GLIS3: variants seen among roughly 807,000 people sequenced by gnomAD.
The protein encoded by GLIS3 is GLIS family zinc finger 3.
GLIS3 carries 53 observed loss-of-function variants against 78.6 expected under a neutral mutation model. The observed-to-expected ratio is 0.67, with a 90% CI of 0.54 to 0.85. GLIS3 has a LOEUF of 0.85. GLIS3 is among the 40% of genes least tolerant of loss of function. The pLI, the probability that GLIS3 is intolerant of heterozygous loss-of-function variation, is 0.00. For synonymous variants in GLIS3, 684 were observed against 509.9 expected, an observed-to-expected ratio of 1.34 and a Z score of -4.60; for missense variants, 1,703 against 1,231.1, an observed-to-expected ratio of 1.38 and a Z score of -5.74.
the GLIS3 span, among the ~76,000 whole-genome samples, chr9:4,488,524 C>CTT: frequency 1.2e-3 from 180 of 149,442 alleles, no homozygotes; most frequent in African/African-American, 3.1e-3. Context: ...CGCTCTCTCT[C>CTT]TTTTTTTTTT....
intron 2 of GLIS3, among the ~76,000 whole-genome samples, chr9:4,317,327 G>GT (rs994855476): frequency 1.4e-4 from 22 of 152,264 alleles, no homozygotes; most frequent in Admixed American, 1.3e-3. Flanking sequence ...CTTCCAGAGA[G>GT]TTTTTTACAG....
chr9:4,177,449 T>C (rs10118752), intron 2 of GLIS3, among the ~76,000 whole-genome samples: 32,001 of 152,038 alleles, frequency 0.21, 4,823 homozygotes, highest in African/African-American at 0.43. Flanking sequence ...AATGGAAATT[T>C]TACACAGAGC....
At chr9:3,878,087 C>T (rs1821442071) in intron 8 of GLIS3, among the ~76,000 whole-genome samples, 2 of 152,168 alleles carry the variant, frequency 1.3e-5, no homozygotes, top group Admixed American at 1.3e-4. Flanking sequence ...CTGTTCCTCA[C>T]ATCTTGGATA....
In GLIS3 at chr9:4,212,145, A is replaced by C. The variant is rs182799878; in HGVS notation, c.388+73893T>G. The stretch of plus-strand genomic sequence containing the variant: ...CTGGATCATATGCATCGAGTGGGTG[A>C]ATGATATATGTAAATTATACCTCGA... On this transcript the variant is annotated intron_variant, in intron 2 of 10. Coordinates refer to ENST00000381971, the MANE Select transcript of GLIS3 (RefSeq NM_001042413.2). Among the ~76,000 whole-genome samples the C allele has an allele frequency of 5.3e-5, 8 of 152,370 alleles. No individual in the cohort carries two copies. The East Asian group carries it at 1.5e-3, about 29-fold the overall frequency.
At position 4,160,151 on chromosome 9, in the gene GLIS3, T is replaced by C. The variant is rs895230519; in HGVS notation, c.389-34210A>G. Among the ~76,000 whole-genome samples, 12 of 152,322 alleles carry C rather than the reference T, an allele frequency of 7.9e-5. No individual in the cohort carries two copies. In the East Asian group the frequency reaches 1.2e-3, roughly 15 times the overall value. On this transcript the variant is annotated intron_variant, in intron 2 of 10. Transcript: ENST00000381971. ...AAAATATTTTCAGTCCTTCCGAAAT[T>C]GGTCTATTTTGCCTCCGCTATTTCT...
intron 2 of GLIS3, among the ~76,000 whole-genome samples, chr9:4,346,409 T>C (rs1258158642): frequency 6.6e-6 from 1 of 152,110 alleles, no homozygotes; most frequent in Non-Finnish European, 1.5e-5. Flanking sequence ...CCCTGAAGCA[T>C]TAAAACTCAT....
At chr9:4,067,734 G>C (rs1401760866) in intron 4 of GLIS3, among the ~76,000 whole-genome samples, 1 of 151,676 alleles carries the variant, frequency 6.6e-6, no homozygotes, top group Non-Finnish European at 1.5e-5. Context: ...ATGAATTGCA[G>C]ATTAGATTAT....
intron 2 of GLIS3, among the ~76,000 whole-genome samples, chr9:4,144,082 G>C (rs1244925240): frequency 6.6e-6 from 1 of 152,180 alleles, no homozygotes; most frequent in African/African-American, 2.4e-5. Flanking sequence ...GACAGGGCAA[G>C]TGGGAGAGCT....
the GLIS3 span, among the ~76,000 whole-genome samples, chr9:4,376,316 G>C: frequency 6.6e-6 from 1 of 152,176 alleles, no homozygotes; most frequent in Admixed American, 6.6e-5. Flanking sequence ...AAAGCATTAG[G>C]AGTATCCAAG....
At chr9:4,213,695 G>T (rs1296562668) in intron 2 of GLIS3, among the ~76,000 whole-genome samples, 3 of 152,094 alleles carry the variant, frequency 2.0e-5, no homozygotes, top group Admixed American at 1.3e-4. Context: ...CCTGGCATGC[G>T]AAAAAGCACT....
chr9:4,482,215 T>C, the GLIS3 span, among the ~76,000 whole-genome samples: 1 of 152,238 alleles, frequency 6.6e-6, no homozygotes, highest in East Asian at 1.9e-4. Context: ...TTTTCTTCAA[T>C]TTGTCAGAGT....
intron 2 of GLIS3, among the ~76,000 whole-genome samples, chr9:4,269,647 C>T (rs1282046400): frequency 1.3e-5 from 2 of 152,054 alleles, no homozygotes; most frequent in African/African-American, 4.8e-5. Flanking sequence ...TATTTAAATG[C>T]ATATTATTTT....
intron 4 of GLIS3, among the ~76,000 whole-genome samples, chr9:4,034,078 A>T (rs1588499576): frequency 6.6e-6 from 1 of 151,914 alleles, no homozygotes; most frequent in East Asian, 1.9e-4. Flanking sequence ...AAAGTTAAAA[A>T]ATTGGCTGGG....
chr9:4,118,377 G>A lies in GLIS3; in HGVS notation c.1101C>T (p.Gly367=). The change falls in exon 4 of 11, where the codon GGC becomes GGT. Residue 367 remains glycine (G), a synonymous_variant. Coordinates refer to ENST00000381971, the MANE Select transcript of GLIS3 (RefSeq NM_001042413.2). This position sits in a 1 kb window ranked among gnomAD's most constrained non-coding sequence, Gnocchi z 4.7. The part of the protein sequence containing the change: ...SCIPQPRPVP[G]SQKGVLVAPG... ...GGGCCACCAGCACGCCCTTCTGGCT[G>A]CCGGGCACCGGGCGCGGCTGGGGAA... The A allele has an allele frequency of 6.3e-7, 1 of 1,596,046 alleles. No homozygotes were observed. The highest frequency in any genetic ancestry group is 1.7e-5 in the Admixed American group (1 of 58,582).
intron 4 of GLIS3, among the ~76,000 whole-genome samples, chr9:3,955,009 C>G (rs930976348): frequency 6.6e-6 from 1 of 152,170 alleles, no homozygotes; most frequent in Non-Finnish European, 1.5e-5. Flanking sequence ...AAGGCCCCAC[C>G]TGGTGCGCAG....
the GLIS3 span, among the ~76,000 whole-genome samples, chr9:4,483,716 G>A: frequency 8.6e-5 from 12 of 139,702 alleles, no homozygotes; most frequent in African/African-American, 2.2e-4. Flanking sequence ...GTGAGACTTC[G>A]TCTTGGGAAA....
intron 2 of GLIS3, among the ~76,000 whole-genome samples, chr9:4,340,859 C>G (rs532869776): frequency 6.6e-6 from 1 of 152,106 alleles, no homozygotes; most frequent in African/African-American, 2.4e-5. Context: ...CCCCTCCTGG[C>G]TAATTTTTGT....
At chr9:4,469,073 C>G in the GLIS3 span, among the ~76,000 whole-genome samples, 2 of 152,164 alleles carry the variant, frequency 1.3e-5, no homozygotes, top group Non-Finnish European at 2.9e-5. Context: ...ATCAATTCAA[C>G]AAGAAGAGCT....
chr9:4,297,410 C>T (rs1331811195), intron 1 of GLIS3, among the ~76,000 whole-genome samples: 2 of 152,184 alleles, frequency 1.3e-5, no homozygotes. Flanking sequence ...CCAGGGTCCA[C>T]TCTAGCTTTA....
Sources: allele counts gnomAD v4.1 joint callset (sites outside exome capture counted in the v4.1 genomes callset), GRCh38; gene constraint gnomAD v4.1.1; non-coding constraint Gnocchi (gnomAD v3.1); transcripts MANE v1.5; gene names NCBI Gene and HGNC (gene_info 2026-07-23, HGNC 2026-07-21).